The following NOSTRIN variants were observed in gnomAD, a reference collection of about 807,000 sequenced individuals.
NOSTRIN encodes the protein BM247 homolog.
In NOSTRIN, 63 loss-of-function variants were observed where a neutral mutation model predicts 59.0. That is an observed-to-expected ratio of 1.07 (90% CI 0.87 to 1.32). The LOEUF (loss-of-function observed/expected upper bound fraction) is 1.32. Among genes scored for constraint, NOSTRIN ranks in the 40% most tolerant of loss-of-function variants. The pLI, the probability that NOSTRIN is intolerant of heterozygous loss-of-function variation, is 0.00. For missense variants in NOSTRIN, 512 were observed against 473.1 expected (o/e 1.08, Z -0.76); for synonymous variants, 200 against 165.4 (o/e 1.21, Z -1.61).
chr2:168,836,496 CG>C (rs956245356), intron 7 of NOSTRIN, among the ~76,000 whole-genome samples: 9 of 152,152 alleles, frequency 5.9e-5, no homozygotes, highest in Admixed American at 1.3e-4. Flanking sequence ...AACACCCAAG[CG>C]GGGGGCATTC....
At chr2:168,846,452 A>G (rs1048902688) in intron 8 of NOSTRIN, among the ~76,000 whole-genome samples, 2 of 152,210 alleles carry the variant, frequency 1.3e-5, no homozygotes, top group Non-Finnish European at 2.9e-5. Context: ...ATTGAACTAC[A>G]TTCAAGGCAG....
rs560105733 is a variant in NOSTRIN, at chr2:168,863,258, T to A, written c.1384+1209T>A. The stretch of plus-strand genomic sequence containing the variant: ...TTTGAATTCTTGTTAATAGATTATG[T>A]CAATTTACTGACGAGGGAGAACTTA... On this transcript the variant is annotated intron_variant, in intron 15 of 15. Transcript: ENST00000317647. The A allele has an allele frequency of 1.4e-5, 4 of 277,916 alleles. No individual in the cohort carries two copies. The South Asian group carries it at 4.3e-4, about 30-fold the overall frequency. The allele number at this position is 277,916 out of a possible 1,614,324, so 17.2% of individuals were successfully genotyped here.
intron 11 of NOSTRIN, chr2:168,856,327 AAC>A: frequency 3.6e-6 from 1 of 275,600 alleles, no homozygotes. Context: ...CTATAATCCT[AAC>A]ACTTTGGGAA....
intron 7 of NOSTRIN, among the ~76,000 whole-genome samples, chr2:168,836,404 C>T (rs897161773): frequency 6.6e-6 from 1 of 152,208 alleles, no homozygotes; most frequent in Non-Finnish European, 1.5e-5. Flanking sequence ...CAGCTGGTAA[C>T]CATAACCTTG....
At chr2:168,846,835 C>T (rs561434671) in intron 8 of NOSTRIN, among the ~76,000 whole-genome samples, 1 of 152,298 alleles carries the variant, frequency 6.6e-6, no homozygotes, top group South Asian at 2.1e-4. Context: ...TCTCAGTTCT[C>T]CCAAGGATGG....
At chr2:168,799,878 G>T (rs1166394917), upstream of NOSTRIN, among the ~76,000 whole-genome samples, 1 of 152,204 alleles carries the variant, frequency 6.6e-6, no homozygotes, top group Non-Finnish European at 1.5e-5. Context: ...CCAATTGTCT[G>T]CCCCTCTCTG....
upstream of NOSTRIN, among the ~76,000 whole-genome samples, chr2:168,794,856 A>C (rs2105502328): frequency 6.6e-6 from 1 of 152,356 alleles, no homozygotes; most frequent in South Asian, 2.1e-4. Flanking sequence ...CAGCCTCCTG[A>C]GTAGCTGGGA....
intron 15 of NOSTRIN, among the ~76,000 whole-genome samples, chr2:168,862,798 G>A (rs1183944144): frequency 6.6e-6 from 1 of 152,132 alleles, no homozygotes; most frequent in Non-Finnish European, 1.5e-5. Flanking sequence ...GAATGTTAGC[G>A]CTAATGCAGA....
upstream of NOSTRIN, among the ~76,000 whole-genome samples, chr2:168,798,835 A>ACAGG (rs1685549572): frequency 2.6e-5 from 4 of 152,110 alleles, no homozygotes; most frequent in Non-Finnish European, 5.9e-5. Flanking sequence ...AGACAGACAG[A>ACAGG]CAGACAGACA....
In NOSTRIN at chr2:168,791,307, A is replaced by G. The variant is rs1432530347; in HGVS notation, c.-473+3259A>G. On this transcript the variant is annotated intron_variant, in intron 2 of 20. Transcript: ENST00000458381. ...GGTTTCCAGTTTCATCCATGTCCCT[A>G]TAAAGGACATGAACTCATCCCTTTT... Among the ~76,000 whole-genome samples, 7 of 152,314 alleles carry G rather than the reference A, an allele frequency of 4.6e-5. No homozygotes were observed. The East Asian group carries it at 5.8e-4, about 13-fold the overall frequency.
chr2:168,851,880 T>C (rs187009426), intron 10 of NOSTRIN, among the ~76,000 whole-genome samples: 2 of 152,176 alleles, frequency 1.3e-5, no homozygotes, highest in East Asian at 3.9e-4. Context: ...AAGGCTGCAA[T>C]CAAGGTATCA....
At position 168,862,017 on chromosome 2, in the gene NOSTRIN, C is replaced by T; in HGVS notation, c.1352C>T (p.Ala451Val). 1.2e-6 allele frequency: 2 copies of T among 1,614,134 alleles called. No homozygotes were observed. Among genetic ancestry groups the T allele is most frequent in the Non-Finnish European group, 1.7e-6 (2 of 1,180,004 alleles). ...RLCKALYSFQARQDDELNLEK... is the reference protein window; with the variant it reads ...RLCKALYSFQVRQDDELNLEK... ...TGCAAGGCCTTGTATTCTTTTCAAG[C>T]CAGGCAAGATGATGAGTTGAATTTG... The change falls in exon 15 of 16, where the codon GCC becomes GTC. Residue 451 changes from alanine (A) to valine (V), a missense_variant. By Grantham distance (64) the Ala-to-Val change is moderately conservative. Transcript: ENST00000317647.
chr2:168,824,788 G>GTTTGT (rs544024405), intron 3 of NOSTRIN, 71 bp downstream of exon 3: 2 of 784,472 alleles, frequency 2.5e-6, no homozygotes, highest in Admixed American at 3.8e-5. Context: ...TTGTTTGTTT[G>GTTTGT]TTTTTTGAGA....
chr2:168,855,239 GT>G (rs1341232425), intron 10 of NOSTRIN, 112 bp from the exon 11 acceptor site: 6 of 525,066 alleles, frequency 1.1e-5, no homozygotes, highest in African/African-American at 2.0e-5. Context: ...TAAAAATTTT[GT>G]TTTATTTTAT....
At chr2:168,794,132 G>T (rs1685423343), upstream of NOSTRIN, among the ~76,000 whole-genome samples, 1 of 152,136 alleles carries the variant, frequency 6.6e-6, no homozygotes, top group Admixed American at 6.5e-5. Context: ...GTTCCTCCTT[G>T]GATCTCTCGT....
chr2:168,856,940 G>C (rs866375293), intron 12 of NOSTRIN, among the ~76,000 whole-genome samples, 162 bp downstream of exon 12: 48 of 152,194 alleles, frequency 3.2e-4, no homozygotes, highest in Non-Finnish European at 2.4e-4. Flanking sequence ...TCATTTGAGG[G>C]ATCTGGAAAA....
chr2:168,827,457 C>A (rs981507294), intron 3 of NOSTRIN, among the ~76,000 whole-genome samples: 6 of 152,166 alleles, frequency 3.9e-5, no homozygotes, highest in African/African-American at 1.4e-4. Context: ...TATCACTTAA[C>A]TTTTCTGAGT....
chr2:168,842,273 ACTTCTGAGGCTG>A (rs1287774122), intron 7 of NOSTRIN, among the ~76,000 whole-genome samples: 1 of 152,120 alleles, frequency 6.6e-6, no homozygotes, highest in Non-Finnish European at 1.5e-5. Context: ...AGAAACTTTT[ACTTCTGAGGCTG>A]CTTCTGAGGC....
chr2:168,856,458 C>A, intron 11 of NOSTRIN: 1 of 503,142 alleles, frequency 2.0e-6, no homozygotes, highest in Non-Finnish European at 3.6e-6. Context: ...ACCTGTAATC[C>A]CAGCTACTCA....
Sources: gnomAD v4.1 joint callset for allele counts (sites outside exome capture counted in the v4.1 genomes callset) on GRCh38, gnomAD v4.1.1 for gene constraint, MANE v1.5 for transcripts, NCBI Gene and HGNC (gene_info 2026-07-23, HGNC 2026-07-21) for gene names.